XRRA1: variants seen among roughly 807,000 people sequenced by gnomAD.
The protein encoded by XRRA1 is X-ray radiation resistance associated 1.
A neutral mutation model predicts 80.2 loss-of-function variants in XRRA1; 69 were observed. The ratio of observed to expected loss-of-function variants is 0.86; its 90% confidence interval spans 0.71 to 1.05. XRRA1 has a LOEUF of 1.05. Ranked by LOEUF, XRRA1 falls within the 50% of genes least tolerant of loss-of-function variation. The pLI is 0.00. For missense variants in XRRA1, 967 were observed against 976.4 expected, an observed-to-expected ratio of 0.99 and a Z score of 0.13; for synonymous variants, 348 against 389.9, an observed-to-expected ratio of 0.89 and a Z score of 1.27.
At chr11:74,948,009 G>A (rs1182506762) in intron 1 of XRRA1, among the ~76,000 whole-genome samples, 1 of 152,058 alleles carries the variant, frequency 6.6e-6, no homozygotes, top group African/African-American at 2.4e-5. Flanking sequence ...CCCCACGCCC[G>A]GCCGAGATAA....
chr11:74,921,270 C>A lies in XRRA1; in HGVS notation c.600G>T (p.Leu200=). Residue 200 remains leucine, a synonymous_variant, in exon 8 of 19, where the codon CTG becomes CTT. Transcript: ENST00000684022. ...AGGTAAGGCCATTGCCTGTGAGGAG[C>A]AGGACACGGAGGTGTGGCAGAATCC... The part of the protein sequence containing the change: ...DLGILPHLRV[L]LLTGNGLTSL... The A allele has an allele frequency of 6.2e-7, 1 of 1,613,926 alleles. No homozygotes were observed. The highest frequency in any genetic ancestry group is 8.5e-7 in the Non-Finnish European group (1 of 1,179,872).
At chr11:74,879,231 G>A (rs1316693332) in intron 10 of XRRA1, among the ~76,000 whole-genome samples, 2 of 150,510 alleles carry the variant, frequency 1.3e-5, no homozygotes, top group Non-Finnish European at 3.0e-5. Context: ...AAGCAATTGT[G>A]AATGGGAGTT....
intron 10 of XRRA1, among the ~76,000 whole-genome samples, chr11:74,889,123 T>A (rs2049937168): frequency 6.6e-6 from 1 of 151,868 alleles, no homozygotes; most frequent in South Asian, 2.1e-4. Context: ...AAAGTTGAAA[T>A]GAAGGAAAAA....
At chr11:74,846,215 CGTGT>C (rs1303639058) in intron 15 of XRRA1, 4 of 152,094 alleles carry the variant, frequency 2.6e-5, no homozygotes, top group African/African-American at 4.8e-5. Context: ...CATGTATATA[CGTGT>C]GTGTATTTGT....
rs1321046279 is a variant in XRRA1, at chr11:74,940,782, G to A, written c.94+3C>T. On this transcript the variant is annotated splice_donor_region_variant and intron_variant, in intron 3 of 18. Transcript: ENST00000684022. ...AAGGTAGCTATTTGAGAAGTCACCT[G>A]ACCTTCCTCCGGCACGCGAAGCAGA... The A allele has an allele frequency of 1.2e-6, 2 of 1,600,390 alleles. No homozygotes were observed. Among genetic ancestry groups the A allele is most frequent in the Admixed American group, 3.4e-5 (2 of 58,092 alleles).
At chr11:74,935,634 T>C (rs182423156) in intron 4 of XRRA1, among the ~76,000 whole-genome samples, 78 of 152,136 alleles carry the variant, frequency 5.1e-4, no homozygotes, top group Admixed American at 5.2e-4. Context: ...GGCAACTGGG[T>C]AGATGGTAGT....
At chr11:74,930,015 T>A (rs952805480) in intron 6 of XRRA1, among the ~76,000 whole-genome samples, 1 of 152,014 alleles carries the variant, frequency 6.6e-6, no homozygotes, top group Non-Finnish European at 1.5e-5. Context: ...TATACACCCA[T>A]CTCATATGAG....
intron 12 of XRRA1, among the ~76,000 whole-genome samples, chr11:74,852,331 A>G (rs1458549458): frequency 6.6e-6 from 1 of 152,206 alleles, no homozygotes; most frequent in Admixed American, 6.5e-5. Context: ...TTAAGAGCTA[A>G]GAGTTTTTCC....
intron 10 of XRRA1, among the ~76,000 whole-genome samples, chr11:74,874,939 C>A (rs11501910): frequency 0.041 from 6,270 of 152,198 alleles, 135 homozygotes; most frequent in African/African-American, 0.058. Flanking sequence ...GAAAGTGCAC[C>A]CCTCTCCCCA....
At position 74,841,702 on chromosome 11, in the gene XRRA1, G is replaced by A. The variant is rs772755107; in HGVS notation, c.*1498C>T. The A allele has an allele frequency of 6.6e-6, 1 of 152,170 alleles. No homozygotes were observed. Among genetic ancestry groups the A allele is most frequent in the Non-Finnish European group, 1.5e-5 (1 of 68,016 alleles). The allele number at this position is 152,170 out of a possible 1,614,324, so 9.4% of individuals were successfully genotyped here. ...AATCAAGAACTAGTTTGAAGCCAAG[G>A]CAAAGCAAGGTTTGTTCATCTTCCT... is the stretch of plus-strand genomic sequence containing the variant. On this transcript the variant is annotated 3_prime_UTR_variant, in exon 19 of 19. Coordinates refer to ENST00000684022, the MANE Select transcript of XRRA1 (RefSeq NM_001378157.1).
intron 10 of XRRA1, among the ~76,000 whole-genome samples, chr11:74,871,337 C>T (rs1333838068): frequency 5.3e-5 from 8 of 152,290 alleles, no homozygotes; most frequent in Admixed American, 5.2e-4. Flanking sequence ...TCCTGTCTAC[C>T]TTGGGCCATT....
At chr11:74,920,006 C>CAAAAA (rs55989441) in intron 8 of XRRA1, 1 of 128,142 alleles carries the variant, frequency 7.8e-6, no homozygotes. Context: ...TATAAAACTG[C>CAAAAA]AAAAAAAAAA....
chr11:74,897,433 T>C (rs986328574), intron 10 of XRRA1, among the ~76,000 whole-genome samples: 2 of 152,056 alleles, frequency 1.3e-5, no homozygotes, highest in African/African-American at 2.4e-5. Flanking sequence ...GAGATAGGGA[T>C]AGAAAGTTTA....
chr11:74,871,682 C>CA (rs1171123189), intron 10 of XRRA1, among the ~76,000 whole-genome samples: 2 of 152,118 alleles, frequency 1.3e-5, no homozygotes, highest in Non-Finnish European at 2.9e-5. Flanking sequence ...CCACTATCTC[C>CA]AAAATTCCCC....
At chr11:74,937,628 A>G (rs1256218261) in intron 3 of XRRA1, among the ~76,000 whole-genome samples, 1 of 152,132 alleles carries the variant, frequency 6.6e-6, no homozygotes, top group Non-Finnish European at 1.5e-5. Context: ...CTAATAATAC[A>G]TGTCTACTGT....
At chr11:74,915,293 T>C (rs1938250145) in intron 8 of XRRA1, among the ~76,000 whole-genome samples, 1 of 152,210 alleles carries the variant, frequency 6.6e-6, no homozygotes, top group Non-Finnish European at 1.5e-5. Context: ...AGAAAAATTA[T>C]GTGACTTAAC....
intron 8 of XRRA1, among the ~76,000 whole-genome samples, chr11:74,911,704 C>T (rs184767245): frequency 3.6e-4 from 55 of 152,184 alleles, no homozygotes; most frequent in Admixed American, 2.3e-3. Flanking sequence ...CACCATTCCC[C>T]GTGGTGGTGG....
At chr11:74,863,066 T>C in intron 10 of XRRA1, 45 bp from the exon 11 acceptor site, 1 of 1,563,516 alleles carries the variant, frequency 6.4e-7, no homozygotes, top group Non-Finnish European at 8.7e-7. Flanking sequence ...AGACCGCTGA[T>C]TGATGCCTAG....
chr11:74,847,639 A>G (rs1291122939), intron 15 of XRRA1, among the ~76,000 whole-genome samples: 1 of 152,106 alleles, frequency 6.6e-6, no homozygotes, highest in African/African-American at 2.4e-5. Context: ...TCCTTCCTCC[A>G]GACTCCCAGC....
Sources: gnomAD v4.1 joint callset for allele counts (sites outside exome capture counted in the v4.1 genomes callset) on GRCh38, gnomAD v4.1.1 for gene constraint, MANE v1.5 for transcripts, NCBI Gene and HGNC (gene_info 2026-07-23, HGNC 2026-07-21) for gene names.